OSBPL1A: variants seen among roughly 807,000 people sequenced by gnomAD.
OSBPL1A encodes oxysterol binding protein like 1A.
OSBPL1A carries 80 observed loss-of-function variants against 137.1 expected under a neutral mutation model. The observed-to-expected ratio is 0.58, with a 90% CI of 0.49 to 0.70. The LOEUF (loss-of-function observed/expected upper bound fraction) is 0.70. OSBPL1A is among the 30% of genes least tolerant of loss of function. The pLI, the probability that OSBPL1A is intolerant of heterozygous loss-of-function variation, is 0.00. For synonymous variants in OSBPL1A, 365 were observed against 389.7 expected, an observed-to-expected ratio of 0.94 and a Z score of 0.75; for missense variants, 970 against 1,129.4, an observed-to-expected ratio of 0.86 and a Z score of 2.02.
At chr18:24,310,018 GC>G in intron 13 of OSBPL1A, among the ~76,000 whole-genome samples, 2 of 135,326 alleles carry the variant, frequency 1.5e-5, no homozygotes, top group South Asian at 4.6e-4. Context: ...CTGCACTCCA[GC>G]CCGTGCAACA....
At chr18:24,200,343 C>T (rs1300529180) in intron 17 of OSBPL1A, among the ~76,000 whole-genome samples, 4 of 152,102 alleles carry the variant, frequency 2.6e-5, no homozygotes, top group Non-Finnish European at 5.9e-5. Context: ...GCGGGTGGAT[C>T]ACAAGGTCTG....
intron 2 of OSBPL1A, among the ~76,000 whole-genome samples, chr18:24,374,248 G>C (rs1204127729): frequency 6.6e-6 from 1 of 152,142 alleles, no homozygotes. Context: ...TCAGATCACA[G>C]TTTCTTCCCT....
intron 13 of OSBPL1A, among the ~76,000 whole-genome samples, chr18:24,310,046 CAAAAAAAAAAAAAAG>C (rs1282255395): frequency 2.0e-4 from 18 of 90,610 alleles, no homozygotes; most frequent in Admixed American, 9.9e-4. Context: ...GACTCTGTCT[CAAAAAAAAAAAAAAG>C]AAAAAAAAAA....
chr18:24,170,596 G>A, intron 23 of OSBPL1A, 143 bp from the exon 24 acceptor site: 2 of 816,260 alleles, frequency 2.5e-6, no homozygotes, highest in South Asian at 3.0e-5. Flanking sequence ...ATGAGATCAG[G>A]CGTGTTCAGG....
At chr18:24,354,748 CAAAAAAAAA>C (rs59694707) in intron 4 of OSBPL1A, among the ~76,000 whole-genome samples, 5 of 77,092 alleles carry the variant, frequency 6.5e-5, no homozygotes, top group Admixed American at 1.7e-4. Flanking sequence ...CTCAATATAG[CAAAAAAAAA>C]AAAAAAAAAA....
At chr18:24,256,392 G>A (rs553794523) in intron 15 of OSBPL1A, among the ~76,000 whole-genome samples, 1 of 152,192 alleles carries the variant, frequency 6.6e-6, no homozygotes, top group East Asian at 1.9e-4. Context: ...TTCAACTGAT[G>A]CTGAAAATGT....
chr18:24,373,395 C>T (rs889775915), intron 2 of OSBPL1A, among the ~76,000 whole-genome samples: 11 of 152,136 alleles, frequency 7.2e-5, no homozygotes, highest in African/African-American at 2.4e-4. Context: ...TTTCTTGGAA[C>T]ATCACTCATA....
At chr18:24,343,146 C>T (rs2146158757) in intron 4 of OSBPL1A, among the ~76,000 whole-genome samples, 1 of 152,044 alleles carries the variant, frequency 6.6e-6, no homozygotes, top group Admixed American at 6.6e-5. Context: ...AATAAAAAGA[C>T]AACCCAATTA....
At chr18:24,311,405 C>T in intron 13 of OSBPL1A, 1 of 913,216 alleles carries the variant, frequency 1.1e-6, no homozygotes, top group Non-Finnish European at 1.3e-6. Context: ...ATAAAAGGTA[C>T]AGCCAGAAAA....
At chr18:24,378,702 T>C (rs963054599) in intron 1 of OSBPL1A, among the ~76,000 whole-genome samples, 1 of 152,204 alleles carries the variant, frequency 6.6e-6, no homozygotes, top group Non-Finnish European at 1.5e-5. Flanking sequence ...TTTGAAGGCA[T>C]GGTTTCAAAA....
In OSBPL1A at chr18:24,179,799, G is replaced by A; in HGVS notation, c.1849C>T (p.Gln617Ter). Residue 617 changes from glutamine to a stop codon, truncating the protein, a stop_gained, in exon 20 of 28, where the codon CAG (glutamine) becomes TAG (stop). Transcript: ENST00000319481. LOFTEE classifies it high-confidence loss of function. ...AAAGGTTTTCCAGTCCGTTCCCACT[G>A]AGAAGCAACAGCAGATACAGCAAAC... ...AAFAVSAVAS[Q>*]WERTGKPFNP... The A allele has an allele frequency of 1.9e-6, 3 of 1,614,192 alleles. No homozygotes were observed. The highest frequency in any genetic ancestry group is 8.5e-7 in the Non-Finnish European group (1 of 1,180,034).
At chr18:24,378,778 C>G (rs1906375547) in intron 1 of OSBPL1A, among the ~76,000 whole-genome samples, 1 of 152,168 alleles carries the variant, frequency 6.6e-6, no homozygotes, top group African/African-American at 2.4e-5. Context: ...TGCAGGCAAG[C>G]CAGGCTTTAC....
chr18:24,322,437 G>T (rs1367076030), intron 7 of OSBPL1A, among the ~76,000 whole-genome samples: 1 of 151,864 alleles, frequency 6.6e-6, no homozygotes, highest in Non-Finnish European at 1.5e-5. Context: ...GTGGCTTTAA[G>T]ATTTATTTTG....
chr18:24,167,269 A>G (rs1356883545), intron 25 of OSBPL1A, 60 bp downstream of exon 25: 25 of 1,495,376 alleles, frequency 1.7e-5, no homozygotes, highest in Middle Eastern at 3.4e-4. Flanking sequence ...ACGTGCCAGG[A>G]AAGAGCGCCA....
rs1173598817 is a variant in OSBPL1A at position 24,241,714 on chromosome 18, G to A, written c.1282-2332C>T. Among the ~76,000 whole-genome samples the A allele has an allele frequency of 4.6e-5, 7 of 152,332 alleles. No homozygotes were observed. The East Asian group carries it at 9.6e-4, about 21-fold the overall frequency. On this transcript the variant is annotated intron_variant, in intron 15 of 27. Coordinates refer to ENST00000319481, the MANE Select transcript of OSBPL1A (RefSeq NM_080597.4). ...TAGTTCAACCATTGTGGAAGACAGT[G>A]TGGCGATTCCTCAAGGATCTAGAAC...
intron 15 of OSBPL1A, among the ~76,000 whole-genome samples, chr18:24,250,856 T>C (rs1273844065): frequency 6.6e-6 from 1 of 152,180 alleles, no homozygotes; most frequent in East Asian, 1.9e-4. Flanking sequence ...GGACCTGCCC[T>C]GGGCCACAGG....
intron 27 of OSBPL1A, among the ~76,000 whole-genome samples, chr18:24,164,530 G>A (rs545536613): frequency 2.1e-5 from 3 of 141,446 alleles, no homozygotes; most frequent in Admixed American, 1.5e-4. Flanking sequence ...CCGGGTTCAC[G>A]CCATTCTCCT....
intron 25 of OSBPL1A, 113 bp downstream of exon 25, chr18:24,167,216 G>A (rs2086163677): frequency 2.1e-6 from 2 of 947,308 alleles, no homozygotes; most frequent in Non-Finnish European, 3.4e-6. Context: ...GGGGGCTCAG[G>A]ATGCCAACCT....
At chr18:24,198,206 G>A (rs892693322) in intron 17 of OSBPL1A, among the ~76,000 whole-genome samples, 9 of 152,152 alleles carry the variant, frequency 5.9e-5, no homozygotes, top group African/African-American at 2.2e-4. Flanking sequence ...CCCAACAAAC[G>A]CTGACATTAA....
Sources: allele counts gnomAD v4.1 joint callset (sites outside exome capture counted in the v4.1 genomes callset), GRCh38; gene constraint gnomAD v4.1.1; transcripts MANE v1.5; gene names NCBI Gene and HGNC (gene_info 2026-07-23, HGNC 2026-07-21).